HMGN3: variants seen among roughly 807,000 people sequenced by gnomAD.
HMGN3 encodes the protein high mobility group nucleosome-binding domain-containing protein 3.
A neutral mutation model predicts 18.8 loss-of-function variants in HMGN3; 6 were observed. That is an observed-to-expected ratio of 0.32 (90% CI 0.18 to 0.63). The LOEUF (loss-of-function observed/expected upper bound fraction) is 0.63, where lower values mean the gene tolerates loss of function less well. Among genes scored for constraint, HMGN3 ranks in the 30% least tolerant of loss-of-function variants. The pLI is 0.79. For synonymous variants in HMGN3, 40 were observed against 36.5 expected (o/e 1.10, Z -0.35); for missense variants, 107 against 114.2 (o/e 0.94, Z 0.29).
At position 79,229,417 on chromosome 6, in the gene HMGN3, T is replaced by C. The variant is rs1042153603; in HGVS notation, c.15+5129A>G. Among the ~76,000 whole-genome samples the C allele has an allele frequency of 1.3e-3, 193 of 152,294 alleles. 1 individual carries two copies. The highest frequency in any genetic ancestry group is 4.5e-3 in the African/African-American group (187 of 41,554). On this transcript the variant is annotated intron_variant, in intron 1 of 5. Transcript: ENST00000344726. ...ATTTCACATATGATACACATTATGC[T>C]AGTAAACACGTGAAAAGATGCTTAT...
rs142791749 is a variant in HMGN3, at chr6:79,202,804, C to G, written c.148-415G>C. ...TGGCTGCTTTCCAATGAACCCCTCA[C>G]GTGGAGACATGTGGCTTGCATGACT... On this transcript the variant is annotated intron_variant, in intron 4 of 5. Coordinates refer to ENST00000344726, the Ensembl canonical transcript of HMGN3. Among the ~76,000 whole-genome samples the G allele has an allele frequency of 4.6e-3, 703 of 152,208 alleles. 6 individuals carry two copies. Among genetic ancestry groups the G allele is most frequent in the African/African-American group, 0.015 (634 of 41,524 alleles).
intron 2 of HMGN3, among the ~76,000 whole-genome samples, chr6:79,211,141 A>G (rs1198101579): frequency 6.6e-6 from 1 of 151,954 alleles, no homozygotes; most frequent in African/African-American, 2.4e-5. Context: ...CTATGCCATT[A>G]AAAAAGACTT....
chr6:79,225,187 A>G (rs1777508394), intron 1 of HMGN3, among the ~76,000 whole-genome samples: 1 of 152,192 alleles, frequency 6.6e-6, no homozygotes, highest in Non-Finnish European at 1.5e-5. Context: ...ATTCTGTCCA[A>G]TATTATAAAA....
intron 3 of HMGN3, 144 bp from the exon 4 acceptor site, chr6:79,203,774 A>G: frequency 1.5e-6 from 1 of 665,058 alleles, no homozygotes; most frequent in Non-Finnish European, 2.6e-6. Context: ...TATTTTCAGC[A>G]CCAGGTAACA....
Position 79,208,512 on chromosome 6 carries a change from A to G in HMGN3, c.96+35T>C. ...TTGGACAAAGGGAACATGTACTCATAAGAACTAACACTGAAGTGGTTCTAA... is the reference window on the plus strand; with the variant it reads ...TTGGACAAAGGGAACATGTACTCATGAGAACTAACACTGAAGTGGTTCTAA... On this transcript the variant is annotated intron_variant, in intron 3 of 5. Transcript: ENST00000344726. 1.3e-6 allele frequency: 2 copies of G among 1,555,636 alleles called. 1 individual carries two copies. The highest frequency in any genetic ancestry group is 2.2e-5 in the South Asian group (2 of 89,864).
At chr6:79,231,633 A>G (rs1777838588) in intron 1 of HMGN3, among the ~76,000 whole-genome samples, 1 of 152,248 alleles carries the variant, frequency 6.6e-6, no homozygotes, top group South Asian at 2.1e-4. Flanking sequence ...ATGATATTAT[A>G]GCCCTGAAGT....
chr6:79,205,541 C>T (rs543472539), intron 3 of HMGN3, among the ~76,000 whole-genome samples: 1 of 152,330 alleles, frequency 6.6e-6, no homozygotes, highest in Admixed American at 6.5e-5. Context: ...GTGAGCCTTC[C>T]CCAGCCACAT....
chr6:79,228,216 C>G (rs768307536), intron 1 of HMGN3, among the ~76,000 whole-genome samples: 3 of 151,998 alleles, frequency 2.0e-5, no homozygotes, highest in Non-Finnish European at 4.4e-5. Flanking sequence ...TCTACCTATC[C>G]CATCAGACAG....
At chr6:79,201,674 T>C (rs1269633304) in exon 6 of HMGN3, 2 of 1,543,106 alleles carry the variant, frequency 1.3e-6, no homozygotes, top group Admixed American at 3.4e-5. Context: ...TCAACCCCAA[T>C]TTTTCATGAC....
intron 2 of HMGN3, among the ~76,000 whole-genome samples, chr6:79,212,833 A>C (rs1776766767): frequency 6.6e-6 from 1 of 152,170 alleles, no homozygotes. Flanking sequence ...GTGGGAAAGA[A>C]AAAAAATCAA....
intron 3 of HMGN3, among the ~76,000 whole-genome samples, chr6:79,205,246 C>T (rs1459351404): frequency 1.3e-5 from 2 of 152,212 alleles, no homozygotes; most frequent in African/African-American, 4.8e-5. Context: ...CTTAAGTCCT[C>T]CTAGTGACTG....
At chr6:79,218,229 G>A (rs1777095314) in intron 1 of HMGN3, among the ~76,000 whole-genome samples, 1 of 152,152 alleles carries the variant, frequency 6.6e-6, no homozygotes, top group Non-Finnish European at 1.5e-5. Flanking sequence ...GGGGAGTGGG[G>A]AGGGAAGGAA....
rs368935883 is a variant in HMGN3 at position 79,202,273 on chromosome 6, T to C, written c.261+3A>G. On this transcript the variant is annotated splice_donor_region_variant and intron_variant, in intron 5 of 5. Coordinates refer to ENST00000344726, the Ensembl canonical transcript of HMGN3. ...ATCAGTGGGAGGTATTTATGGAAAG[T>C]ACCTCTTCAGCTTTAGTTTCACCAT... is the stretch of plus-strand genomic sequence containing the variant. The C allele has an allele frequency of 2.5e-6, 4 of 1,613,994 alleles. No individual in the cohort carries two copies. Among genetic ancestry groups the C allele is most frequent in the East Asian group, 2.2e-5 (1 of 44,902 alleles).
At chr6:79,209,519 A>C (rs981653671) in intron 2 of HMGN3, among the ~76,000 whole-genome samples, 1 of 152,218 alleles carries the variant, frequency 6.6e-6, no homozygotes, top group African/African-American at 2.4e-5. Context: ...GTACTGGCCA[A>C]CATATAGTAC....
At chr6:79,225,549 CA>C (rs2127836298) in intron 1 of HMGN3, among the ~76,000 whole-genome samples, 1 of 152,246 alleles carries the variant, frequency 6.6e-6, no homozygotes, top group East Asian at 1.9e-4. Context: ...TAAAATCCCT[CA>C]ATATATTGTA....
chr6:79,202,170 C>CA lies in HMGN3; in HGVS notation c.261+105dup, dbSNP rs1455927228. On this transcript the variant is annotated intron_variant, in intron 5 of 5. Transcript: ENST00000344726. ...GAGATGTGGATCTGCAATAACATTA[C>CA]AGGCAATAAAAAGAGACATTAAGAA... The CA allele has an allele frequency of 1.3e-6, 2 of 1,599,634 alleles. No homozygotes were observed. Among genetic ancestry groups the CA allele is most frequent in the Non-Finnish European group, 1.7e-6 (2 of 1,176,980 alleles).
At chr6:79,219,696 T>G (rs933413338) in intron 1 of HMGN3, among the ~76,000 whole-genome samples, 1 of 151,980 alleles carries the variant, frequency 6.6e-6, no homozygotes, top group East Asian at 1.9e-4. Flanking sequence ...TTTTAATATT[T>G]TATTTAACTG....
intron 1 of HMGN3, among the ~76,000 whole-genome samples, chr6:79,219,677 T>C (rs1419313219): frequency 1.3e-5 from 2 of 152,080 alleles, no homozygotes; most frequent in Non-Finnish European, 2.9e-5. Flanking sequence ...TAAAAACAGG[T>C]AAAACTAATT....
chr6:79,211,321 T>G (rs1776679036), intron 2 of HMGN3, among the ~76,000 whole-genome samples: 1 of 152,148 alleles, frequency 6.6e-6, no homozygotes, highest in Non-Finnish European at 1.5e-5. Context: ...ATCTGTAAAT[T>G]ATTGGACTAT....
Sources: gnomAD v4.1 joint callset for allele counts (sites outside exome capture counted in the v4.1 genomes callset) on GRCh38, gnomAD v4.1.1 for gene constraint, MANE v1.5 for transcripts, NCBI Gene and HGNC (gene_info 2026-07-23, HGNC 2026-07-21) for gene names.